Variants in SYT1 observed in about 807,000 individuals in gnomAD.
SYT1 encodes the protein synaptotagmin-1.
Under a neutral mutation model 44.8 loss-of-function variants are expected in SYT1, and 8 were observed. That is an observed-to-expected ratio of 0.18 (90% CI 0.10 to 0.32). The LOEUF (loss-of-function observed/expected upper bound fraction) is 0.32. SYT1 is among the 10% of genes least tolerant of loss of function. The probability of loss-of-function intolerance (pLI) is 1.00; values close to 1 mark genes in which losing one functional copy is unlikely to be tolerated. For synonymous variants in SYT1, 154 were observed against 188.8 expected (o/e 0.82, Z 1.51); for missense variants, 286 against 509.3 (o/e 0.56, Z 4.22).
chr12:78,906,512 T>C (rs980553005), intron 1 of SYT1, among the ~76,000 whole-genome samples: 3 of 152,094 alleles, frequency 2.0e-5, no homozygotes, highest in Admixed American at 2.0e-4. Flanking sequence ...GACTCTAAAA[T>C]TCTATAGAGA....
chr12:79,432,455 C>A (rs1427557472), intron 9 of SYT1, among the ~76,000 whole-genome samples: 1 of 151,046 alleles, frequency 6.6e-6, no homozygotes, highest in African/African-American at 2.4e-5. Context: ...TGAGTGAGAA[C>A]ATGCGGTTTT....
intron 1 of SYT1, among the ~76,000 whole-genome samples, chr12:78,950,660 T>C (rs960401133): frequency 6.6e-6 from 1 of 152,134 alleles, no homozygotes; most frequent in African/African-American, 2.4e-5. Flanking sequence ...GATGATTCCT[T>C]GGTCATTCCA....
At chr12:79,075,169 A>G (rs563316815) in intron 3 of SYT1, among the ~76,000 whole-genome samples, 1 of 152,358 alleles carries the variant, frequency 6.6e-6, no homozygotes, top group South Asian at 2.1e-4. Context: ...CAAAAGAGAT[A>G]CTAGGAGTTC....
chr12:79,248,419 A>G (rs1378583891), intron 4 of SYT1, among the ~76,000 whole-genome samples: 1 of 152,214 alleles, frequency 6.6e-6, no homozygotes, highest in East Asian at 1.9e-4. Context: ...CATATTCAAA[A>G]AAGAAAAAAT....
At chr12:78,899,620 TC>T (rs143444732) in intron 1 of SYT1, among the ~76,000 whole-genome samples, 35,571 of 149,422 alleles carry the variant, frequency 0.24, 4,595 homozygotes, top group South Asian at 0.46. Context: ...AAGAGTTTTT[TC>T]TTTTTTCTTA....
intron 4 of SYT1, among the ~76,000 whole-genome samples, chr12:79,267,977 C>A (rs943969846): frequency 6.6e-6 from 1 of 152,170 alleles, no homozygotes; most frequent in African/African-American, 2.4e-5. Flanking sequence ...TTGACCAATA[C>A]ATGTGCAGAT....
At chr12:79,073,486 T>A (rs575208440) in intron 3 of SYT1, among the ~76,000 whole-genome samples, 1 of 152,206 alleles carries the variant, frequency 6.6e-6, no homozygotes, top group East Asian at 1.9e-4. Context: ...GAATCCCTAC[T>A]CCATACATCA....
chr12:79,404,367 G>A (rs1176145740), intron 9 of SYT1, among the ~76,000 whole-genome samples: 1 of 152,080 alleles, frequency 6.6e-6, no homozygotes, highest in Admixed American at 6.6e-5. Context: ...TTTATATTAT[G>A]TCCCAAAACA....
intron 2 of SYT1, among the ~76,000 whole-genome samples, chr12:79,035,386 A>C (rs1873064870): frequency 6.6e-6 from 1 of 151,730 alleles, no homozygotes; most frequent in Non-Finnish European, 1.5e-5. Context: ...AAATGTGCAG[A>C]GTTTAGGCAG....
intron 1 of SYT1, among the ~76,000 whole-genome samples, chr12:78,946,535 A>T (rs1878666306): frequency 6.6e-6 from 1 of 151,944 alleles, no homozygotes; most frequent in African/African-American, 2.4e-5. Context: ...CACACCTGCA[A>T]TCCCAGCTAC....
intron 2 of SYT1, among the ~76,000 whole-genome samples, chr12:79,043,730 T>G (rs558521458): frequency 6.6e-4 from 100 of 152,344 alleles, no homozygotes; most frequent in African/African-American, 2.4e-3. Context: ...CTCCATGGTC[T>G]TTACATTTTG....
intron 2 of SYT1, among the ~76,000 whole-genome samples, chr12:79,023,009 C>A (rs528128756): frequency 5.1e-4 from 78 of 151,728 alleles, no homozygotes; most frequent in Middle Eastern, 3.4e-3. Flanking sequence ...AATTATTGTT[C>A]TTTGCTTGGA....
At chr12:79,195,896 T>C (rs1873423332) in intron 3 of SYT1, among the ~76,000 whole-genome samples, 2 of 152,214 alleles carry the variant, frequency 1.3e-5, no homozygotes, top group South Asian at 4.1e-4. Context: ...ACTGTATCTA[T>C]GGATTTCTTA....
intron 3 of SYT1, among the ~76,000 whole-genome samples, chr12:79,216,544 G>A (rs1008450093): frequency 1.3e-5 from 2 of 152,134 alleles, no homozygotes; most frequent in African/African-American, 4.8e-5. Flanking sequence ...AGGAAGGGCA[G>A]GTTTTAGTTC....
At chr12:78,878,883 G>A (rs1874310948) in intron 1 of SYT1, among the ~76,000 whole-genome samples, 2 of 151,678 alleles carry the variant, frequency 1.3e-5, no homozygotes, top group African/African-American at 4.8e-5. Flanking sequence ...GAGAGCTCCA[G>A]TGCCCCAGTG....
intron 1 of SYT1, among the ~76,000 whole-genome samples, chr12:78,881,921 T>C (rs1411650234): frequency 1.3e-5 from 2 of 151,772 alleles, no homozygotes; most frequent in Admixed American, 6.6e-5. Context: ...TCAGAGAGGA[T>C]ACTTCTGATC....
intron 4 of SYT1, among the ~76,000 whole-genome samples, chr12:79,246,848 A>T (rs1044381514): frequency 6.6e-6 from 1 of 152,038 alleles, no homozygotes; most frequent in Non-Finnish European, 1.5e-5. Context: ...TCTTATCTCA[A>T]TTATTATGAT....
intron 3 of SYT1, among the ~76,000 whole-genome samples, chr12:79,110,831 G>A (rs927121332): frequency 6.6e-6 from 1 of 152,080 alleles, no homozygotes; most frequent in African/African-American, 2.4e-5. Flanking sequence ...TACCAAGTAC[G>A]ACCTGCAGTT....
intron 1 of SYT1, among the ~76,000 whole-genome samples, chr12:78,919,145 A>G (rs1385006427): frequency 6.6e-6 from 1 of 152,078 alleles, no homozygotes; most frequent in East Asian, 1.9e-4. Flanking sequence ...TATTCCACAG[A>G]CAATAAAGTT....
Sources: allele counts gnomAD v4.1 joint callset (sites outside exome capture counted in the v4.1 genomes callset), GRCh38; gene constraint gnomAD v4.1.1; transcripts MANE v1.5; gene names NCBI Gene and HGNC (gene_info 2026-07-23, HGNC 2026-07-21).